The following MCF2L2 variants were observed in gnomAD, a reference collection of about 807,000 sequenced individuals.
The protein encoded by MCF2L2 is MCF.2 cell line derived transforming sequence-like 2.
Under a neutral mutation model 150.2 loss-of-function variants are expected in MCF2L2, and 102 were observed. That is an observed-to-expected ratio of 0.68 (90% CI 0.58 to 0.80). MCF2L2 has a LOEUF of 0.80. Among genes scored for constraint, MCF2L2 ranks in the 30% least tolerant of loss-of-function variants. The pLI, the probability that MCF2L2 is intolerant of heterozygous loss-of-function variation, is 0.00. For missense variants in MCF2L2, 1,256 were observed against 1,372.8 expected (o/e 0.91, Z 1.34); for synonymous variants, 465 against 491.3 (o/e 0.95, Z 0.71).
At chr3:183,351,220 ATATATATATATATATATT>A (rs1233316661) in intron 3 of MCF2L2, among the ~76,000 whole-genome samples, 22 of 87,390 alleles carry the variant, frequency 2.5e-4, no homozygotes, top group Non-Finnish European at 3.0e-4. Context: ...ATATATATAT[ATATATATATATATATATT>A]TATTTATTTA....
intron 2 of MCF2L2, among the ~76,000 whole-genome samples, chr3:183,387,109 T>C (rs1712698115): frequency 6.6e-6 from 1 of 151,520 alleles, no homozygotes; most frequent in Non-Finnish European, 1.5e-5. Context: ...TTTAAAAATT[T>C]TGGGCATGAT....
At chr3:183,210,845 C>A in intron 22 of MCF2L2, among the ~76,000 whole-genome samples, 1 of 152,154 alleles carries the variant, frequency 6.6e-6, no homozygotes, top group East Asian at 1.9e-4. Context: ...TGCTGCTGCA[C>A]CTTCATAGGC....
Position 183,197,672 on chromosome 3 carries a change from C to A in MCF2L2, c.2885-2417G>T, listed in dbSNP as rs1393319020. 6.6e-6 allele frequency among the ~76,000 whole-genome samples: 1 copy of A among 151,992 alleles called. No homozygotes were observed. The highest frequency in any genetic ancestry group is 1.5e-5 in the Non-Finnish European group (1 of 67,990). ...AAGTCACTCTTAAGAGAAAAAGATG[C>A]CACACACTAGAAGAAAATATTTACA... is the stretch of plus-strand genomic sequence containing the variant. On this transcript the variant is annotated intron_variant, in intron 25 of 29. Coordinates refer to ENST00000328913, the MANE Select transcript of MCF2L2 (RefSeq NM_015078.4). The surrounding 1 kb of genome is among the most constrained non-coding windows in gnomAD (Gnocchi z 4.5).
chr3:183,254,647 GTTGCCGGCCGGGGGCCCCAGGC>G (rs1293935007), intron 15 of MCF2L2: 6 of 152,302 alleles, frequency 3.9e-5, no homozygotes, highest in African/African-American at 1.4e-4. Context: ...CACCAATTCG[GTTGCCGGCCGGGGGCCCCAGGC>G]TTGCGGCCAC....
chr3:183,254,420 C>T (rs963446446), intron 15 of MCF2L2, among the ~76,000 whole-genome samples: 3 of 151,898 alleles, frequency 2.0e-5, no homozygotes, highest in African/African-American at 7.2e-5. Context: ...CGTCCCCTCC[C>T]CGGAACGCCT....
chr3:183,228,047 A>ACACACACACACACACACAC (rs1560354284), intron 18 of MCF2L2: 305 of 458,260 alleles, frequency 6.7e-4, no homozygotes, highest in Middle Eastern at 1.6e-3. Context: ...ACACACACAC[A>ACACACACACACACACACAC]ATGGTAATGA....
Position 183,197,373 on chromosome 3 carries a change from A to G in MCF2L2, c.2885-2118T>C, listed in dbSNP as rs1025805920. Among the ~76,000 whole-genome samples the G allele has an allele frequency of 6.6e-6, 1 of 152,192 alleles. No homozygotes were observed. The highest frequency in any genetic ancestry group is 2.4e-5 in the African/African-American group (1 of 41,458). The stretch of plus-strand genomic sequence containing the variant: ...AGAATAGTGTTTTTAACAACTGGCA[A>G]TGGAAAAACTAGAACATCAGTATGC... On this transcript the variant is annotated intron_variant, in intron 25 of 29. Transcript: ENST00000328913. This position sits in a 1 kb window ranked among gnomAD's most constrained non-coding sequence, Gnocchi z 4.5.
In MCF2L2 at chr3:183,406,905, CTTA is replaced by C. The variant is rs1235289359; in HGVS notation, c.77-17129_77-17127del. Among the ~76,000 whole-genome samples the C allele has an allele frequency of 3.3e-5, 5 of 152,176 alleles. No homozygotes were observed. In the East Asian group the frequency reaches 9.6e-4, roughly 29 times the overall value. ...AAAATCTAACTTAAATCAAATTTCT[CTTA>C]TGAACCAGACTTTTGGTCTTTGTGA... On this transcript the variant is annotated intron_variant, in intron 1 of 29. Transcript: ENST00000328913.
intron 26 of MCF2L2, among the ~76,000 whole-genome samples, 186 bp downstream of exon 26, chr3:183,195,036 G>T (rs1722034136): frequency 1.3e-5 from 2 of 152,076 alleles, no homozygotes; most frequent in Non-Finnish European, 2.9e-5. Flanking sequence ...ATCTGCCTTG[G>T]CCTCCCAAAG....
At chr3:183,285,743 T>C (rs1040634256) in intron 14 of MCF2L2, among the ~76,000 whole-genome samples, 1 of 152,198 alleles carries the variant, frequency 6.6e-6, no homozygotes. Flanking sequence ...TTTCATCTTC[T>C]GGGAGCACAG....
intron 15 of MCF2L2, chr3:183,253,775 C>T (rs1453184231): frequency 6.6e-6 from 1 of 152,350 alleles, no homozygotes; most frequent in African/African-American, 2.4e-5. Flanking sequence ...CCAGCACAGT[C>T]CGCCTCTTGG....
chr3:183,312,321 T>C (rs1378486983), intron 7 of MCF2L2, among the ~76,000 whole-genome samples: 1 of 152,204 alleles, frequency 6.6e-6, no homozygotes, highest in African/African-American at 2.4e-5. Context: ...AGATTCATAC[T>C]TCCAAGCCAA....
chr3:183,338,592 G>A (rs558809526), intron 5 of MCF2L2, among the ~76,000 whole-genome samples: 3 of 151,932 alleles, frequency 2.0e-5, no homozygotes, highest in South Asian at 2.1e-4. Context: ...TACTGTTTAC[G>A]TGCTCCAACA....
At chr3:183,334,750 G>T (rs922832044) in intron 5 of MCF2L2, among the ~76,000 whole-genome samples, 1 of 144,836 alleles carries the variant, frequency 6.9e-6, no homozygotes, top group Non-Finnish European at 1.5e-5. Flanking sequence ...CTGAGATTGC[G>T]CCATTGCACT....
At chr3:183,223,947 A>C (rs1723251948) in intron 19 of MCF2L2, 151 bp downstream of exon 19, 3 of 692,274 alleles carry the variant, frequency 4.3e-6, no homozygotes, top group Non-Finnish European at 7.8e-6. Context: ...ATCCCATTAC[A>C]ACTTTTCATG....
intron 15 of MCF2L2, among the ~76,000 whole-genome samples, chr3:183,241,941 G>A (rs963091167): frequency 6.6e-6 from 1 of 152,164 alleles, no homozygotes; most frequent in African/African-American, 2.4e-5. Flanking sequence ...GAACTTGTTG[G>A]GAATTGGAGC....
At chr3:183,277,772 G>A (rs1727243973) in intron 14 of MCF2L2, among the ~76,000 whole-genome samples, 1 of 149,384 alleles carries the variant, frequency 6.7e-6, no homozygotes, top group Non-Finnish European at 1.5e-5. Context: ...TAAAGTGGAG[G>A]AAACATATAT....
intron 3 of MCF2L2, among the ~76,000 whole-genome samples, chr3:183,360,956 CAG>C (rs1267742568): frequency 5.7e-5 from 5 of 88,396 alleles, no homozygotes; most frequent in African/African-American, 1.3e-4. Flanking sequence ...GAGTGAAACT[CAG>C]AAAAGAAAAG....
At chr3:183,348,341 G>A (rs1443886321) in intron 3 of MCF2L2, among the ~76,000 whole-genome samples, 1 of 142,560 alleles carries the variant, frequency 7.0e-6, no homozygotes, top group Non-Finnish European at 1.5e-5. Flanking sequence ...TCATAAATGG[G>A]AAGTGAACAA....
Sources: allele counts gnomAD v4.1 joint callset (sites outside exome capture counted in the v4.1 genomes callset), GRCh38; gene constraint gnomAD v4.1.1; non-coding constraint Gnocchi (gnomAD v3.1); transcripts MANE v1.5; gene names NCBI Gene and HGNC (gene_info 2026-07-23, HGNC 2026-07-21).